UBAP2: variants seen among roughly 807,000 people sequenced by gnomAD.
UBAP2 encodes the protein ubiquitin associated protein 2.
UBAP2 carries 75 observed loss-of-function variants against 139.6 expected under a neutral mutation model. The ratio of observed to expected loss-of-function variants is 0.54; its 90% CI spans 0.45 to 0.65. The LOEUF (loss-of-function observed/expected upper bound fraction) is 0.65, where lower values mean the gene tolerates loss of function less well. Ranked by LOEUF, UBAP2 falls within the 30% of genes least tolerant of loss-of-function variation. The probability of loss-of-function intolerance (pLI) is 0.00; values close to 1 mark genes in which losing one functional copy is unlikely to be tolerated. For synonymous variants in UBAP2, 526 were observed against 526.2 expected, an observed-to-expected ratio of 1.00 and a Z score of 0.01; for missense variants, 1,368 against 1,369.6, an observed-to-expected ratio of 1.00 and a Z score of 0.02.
chr9:33,948,256 T>A (rs1196076620), intron 13 of UBAP2, 118 bp downstream of exon 13: 6 of 825,272 alleles, frequency 7.3e-6, no homozygotes, highest in Non-Finnish European at 8.9e-6. Flanking sequence ...ACTGCAAGAG[T>A]TCTACTAAAA....
chr9:33,927,389 A>G (rs1823536986), intron 20 of UBAP2, among the ~76,000 whole-genome samples: 1 of 152,190 alleles, frequency 6.6e-6, no homozygotes, highest in Non-Finnish European at 1.5e-5. Flanking sequence ...TCCTCCAAAG[A>G]GGGCAAGGAA....
intron 6 of UBAP2, among the ~76,000 whole-genome samples, chr9:33,975,232 C>T (rs1436291267): frequency 6.6e-6 from 1 of 150,812 alleles, no homozygotes; most frequent in Non-Finnish European, 1.5e-5. Flanking sequence ...GAGTTCAAGA[C>T]CAGCCTGGCC....
intron 12 of UBAP2, among the ~76,000 whole-genome samples, chr9:33,953,026 C>T (rs1362632448): frequency 6.6e-6 from 1 of 152,080 alleles, no homozygotes; most frequent in East Asian, 1.9e-4. Flanking sequence ...CACAACACCA[C>T]ACTCAGCTAA....
intron 1 of UBAP2, among the ~76,000 whole-genome samples, chr9:34,041,819 T>A (rs943281666): frequency 6.6e-6 from 1 of 151,218 alleles, no homozygotes; most frequent in Non-Finnish European, 1.5e-5. Context: ...AGGTCAGGAG[T>A]TCGAGACCAG....
intron 9 of UBAP2, among the ~76,000 whole-genome samples, chr9:33,962,554 G>A (rs1378874247): frequency 2.0e-5 from 3 of 152,018 alleles, no homozygotes; most frequent in African/African-American, 4.8e-5. Context: ...GCTGAGGCAG[G>A]AGAATCGTTT....
intron 6 of UBAP2, among the ~76,000 whole-genome samples, chr9:33,978,649 G>A (rs905414515): frequency 2.0e-5 from 3 of 151,960 alleles, no homozygotes; most frequent in Non-Finnish European, 4.4e-5. Flanking sequence ...ATGTGCTGGC[G>A]GGTGCCTATA....
At chr9:34,008,247 G>A (rs1171932944) in intron 2 of UBAP2, among the ~76,000 whole-genome samples, 1 of 151,578 alleles carries the variant, frequency 6.6e-6, no homozygotes, top group African/African-American at 2.4e-5. Flanking sequence ...GAACCCAAGA[G>A]GCGAAGGTTG....
intron 6 of UBAP2, among the ~76,000 whole-genome samples, chr9:33,977,558 A>G (rs896107598): frequency 2.6e-5 from 4 of 152,108 alleles, no homozygotes; most frequent in Non-Finnish European, 5.9e-5. Context: ...ACCAAGTCCA[A>G]CGTTTCCAAA....
intron 1 of UBAP2, among the ~76,000 whole-genome samples, chr9:34,042,170 G>A (rs1341797879): frequency 3.9e-5 from 6 of 151,918 alleles, no homozygotes; most frequent in Non-Finnish European, 7.4e-5. Flanking sequence ...ATACATATAA[G>A]GTAAAATTAT....
intron 2 of UBAP2, among the ~76,000 whole-genome samples, chr9:34,001,741 T>G (rs1344756440): frequency 1.3e-5 from 2 of 152,170 alleles, no homozygotes; most frequent in East Asian, 3.9e-4. Flanking sequence ...TCCCTAACAC[T>G]ATTATTTTCT....
chr9:34,003,597 C>A (rs532950337), intron 2 of UBAP2, among the ~76,000 whole-genome samples: 1 of 151,550 alleles, frequency 6.6e-6, no homozygotes. Context: ...AGTACAGATG[C>A]GGTTTCACCA....
At chr9:34,041,125 G>A (rs949871825) in intron 1 of UBAP2, among the ~76,000 whole-genome samples, 6 of 151,952 alleles carry the variant, frequency 3.9e-5, no homozygotes, top group African/African-American at 1.2e-4. Flanking sequence ...GACAACATAT[G>A]GCACATCCTT....
intron 1 of UBAP2, among the ~76,000 whole-genome samples, chr9:34,037,654 G>A (rs557388497): frequency 1.3e-5 from 2 of 152,106 alleles, no homozygotes; most frequent in Non-Finnish European, 2.9e-5. Context: ...AACAGCAGTA[G>A]TTATTTCTTG....
chr9:34,047,713 G>C lies in UBAP2; in HGVS notation c.-42+1112C>G, dbSNP rs1423955996. 3.9e-5 allele frequency among the ~76,000 whole-genome samples: 6 copies of C among 152,158 alleles called. No individual in the cohort carries two copies. The South Asian group carries it at 1.2e-3, about 31-fold the overall frequency. On this transcript the variant is annotated intron_variant, in intron 1 of 28. Coordinates refer to ENST00000379238, the MANE Select transcript of UBAP2 (RefSeq NM_001370062.2). ...AACCCTCAACTAGCTGAGCACCGTG[G>C]TGCACACTGTAATCCCAGATACTCA... is the stretch of plus-strand genomic sequence containing the variant.
At chr9:33,965,589 G>A (rs756242195) in intron 8 of UBAP2, among the ~76,000 whole-genome samples, 8 of 152,190 alleles carry the variant, frequency 5.3e-5, no homozygotes, top group Non-Finnish European at 1.2e-4. Context: ...ATGTTTAAGT[G>A]TAACCTTGGA....
intron 2 of UBAP2, among the ~76,000 whole-genome samples, chr9:34,016,493 C>T (rs1402426744): frequency 6.6e-6 from 1 of 151,740 alleles, no homozygotes; most frequent in African/African-American, 2.4e-5. Context: ...TCCAATTGTA[C>T]CTGAATCAAG....
intron 10 of UBAP2, among the ~76,000 whole-genome samples, chr9:33,960,319 C>T (rs1015298856): frequency 3.3e-5 from 5 of 152,008 alleles, no homozygotes; most frequent in African/African-American, 1.2e-4. Flanking sequence ...AACAAATATT[C>T]TTAAAAATCT....
At chr9:34,016,293 G>A (rs1400767370) in intron 2 of UBAP2, among the ~76,000 whole-genome samples, 3 of 96,646 alleles carry the variant, frequency 3.1e-5, no homozygotes, top group Non-Finnish European at 6.4e-5. Context: ...AGGAGGAGGA[G>A]GAAGAGGAGG....
chr9:34,040,101 T>C (rs577554759), intron 1 of UBAP2, among the ~76,000 whole-genome samples: 75 of 146,846 alleles, frequency 5.1e-4, no homozygotes, highest in Non-Finnish European at 6.9e-4. Context: ...GGAGGTTGCG[T>C]TGAGCCAAGA....
Sources: allele counts gnomAD v4.1 joint callset (sites outside exome capture counted in the v4.1 genomes callset), GRCh38; gene constraint gnomAD v4.1.1; transcripts MANE v1.5; gene names NCBI Gene and HGNC (gene_info 2026-07-23, HGNC 2026-07-21).